PLPPR5: variants seen among roughly 807,000 people sequenced by gnomAD.
The protein encoded by PLPPR5 is phospholipid phosphatase-related protein type 5.
Under a neutral mutation model 33.9 loss-of-function variants are expected in PLPPR5, and 16 were observed. That is an observed-to-expected ratio of 0.47 (90% confidence interval 0.32 to 0.72). The LOEUF (loss-of-function observed/expected upper bound fraction) is 0.72. Among genes scored for constraint, PLPPR5 ranks in the 30% least tolerant of loss-of-function variants. PLPPR5 has a pLI of 0.03. For missense variants in PLPPR5, 301 were observed against 406.7 expected (o/e 0.74, Z 2.23); for synonymous variants, 163 against 150.3 (o/e 1.08, Z -0.62).
At chr1:98,976,061 G>T (rs983528943) in intron 1 of PLPPR5, among the ~76,000 whole-genome samples, 1 of 139,866 alleles carries the variant, frequency 7.1e-6, no homozygotes, top group African/African-American at 2.7e-5. Context: ...TGTAAGGCAC[G>T]TGCTGAAGAT....
intron 5 of PLPPR5, among the ~76,000 whole-genome samples, chr1:98,911,856 C>A (rs1649163393): frequency 6.6e-6 from 1 of 151,946 alleles, no homozygotes; most frequent in African/African-American, 2.4e-5. Flanking sequence ...AACTCCTGGG[C>A]TCAAGCAATC....
intron 3 of PLPPR5, among the ~76,000 whole-genome samples, chr1:98,934,784 C>G (rs117339954): frequency 6.6e-6 from 1 of 151,956 alleles, no homozygotes; most frequent in Non-Finnish European, 1.5e-5. Context: ...CCAACCCGGA[C>G]GTGAGGGGAG....
rs1252078405 is a variant in PLPPR5, at chr1:98,890,377, G to A, written c.*2695C>T. ...GTAACTGAGATATTTGGCTAGGATA[G>A]ATCCTGAGAAAAGAGAGGCCCAGTT... On this transcript the variant is annotated 3_prime_UTR_variant, in exon 6 of 6. Transcript: ENST00000263177. The A allele has an allele frequency of 6.6e-6, 1 of 152,510 alleles. No homozygotes were observed. Among genetic ancestry groups the A allele is most frequent in the Non-Finnish European group, 1.5e-5 (1 of 67,980 alleles). The allele number at this position is 152,510 out of a possible 1,614,324, so 9.4% of individuals were successfully genotyped here. A position where few individuals can be genotyped will look rare whatever the true frequency, so the allele number is the denominator to read the frequency against.
intron 1 of PLPPR5, among the ~76,000 whole-genome samples, chr1:99,003,008 A>C (rs1321676478): frequency 2.8e-5 from 4 of 145,450 alleles, no homozygotes; most frequent in Non-Finnish European, 6.0e-5. Context: ...GAACACAAAC[A>C]TGAAGGCTGG....
intron 1 of PLPPR5, among the ~76,000 whole-genome samples, chr1:98,999,258 G>A (rs1439382642): frequency 6.6e-6 from 1 of 152,154 alleles, no homozygotes; most frequent in Non-Finnish European, 1.5e-5. Flanking sequence ...ATACAGCTGG[G>A]CACTGCTCTG....
At chr1:98,971,530 A>C (rs1651660357) in intron 1 of PLPPR5, among the ~76,000 whole-genome samples, 1 of 151,880 alleles carries the variant, frequency 6.6e-6, no homozygotes, top group Non-Finnish European at 1.5e-5. Flanking sequence ...GGAATCCTTG[A>C]CTTTTATACT....
At chr1:98,989,575 T>C (rs1373882959) in intron 1 of PLPPR5, among the ~76,000 whole-genome samples, 1 of 152,150 alleles carries the variant, frequency 6.6e-6, no homozygotes, top group Non-Finnish European at 1.5e-5. Flanking sequence ...GAACACGGGC[T>C]TGGACTGAGC....
At chr1:99,001,005 T>C (rs1213743362) in intron 1 of PLPPR5, among the ~76,000 whole-genome samples, 1 of 152,116 alleles carries the variant, frequency 6.6e-6, no homozygotes, top group East Asian at 1.9e-4. Context: ...GAGTATCAAC[T>C]ATGGGCCAAA....
At chr1:98,938,406 G>A (rs1217185821) in intron 3 of PLPPR5, among the ~76,000 whole-genome samples, 2 of 146,450 alleles carry the variant, frequency 1.4e-5, no homozygotes, top group African/African-American at 5.0e-5. Flanking sequence ...CTGAGAAACA[G>A]GGCAAGATCG....
chr1:98,919,128 G>A (rs1649461145), intron 4 of PLPPR5, among the ~76,000 whole-genome samples: 1 of 152,206 alleles, frequency 6.6e-6, no homozygotes, highest in South Asian at 2.1e-4. Context: ...CCTCAAGGAG[G>A]AGAAGTCATT....
rs1239114153 is a variant in PLPPR5, at chr1:98,953,254, T to C, written c.437A>G (p.Asn146Ser). The change falls in exon 3 of 6, where the codon AAT becomes AGT. Residue 146 changes from asparagine to serine, a missense_variant. Coordinates refer to ENST00000263177, the MANE Select transcript of PLPPR5 (RefSeq NM_001037317.2). ...FVNAGQVVTG[N>S]LAPHFLALCK... ...CAGGGCAAGGAAATGTGGGGCCAGA[T>C]TTCCTGTGACTACTTGTCCAGCATT... The C allele has an allele frequency of 6.2e-7, 1 of 1,614,072 alleles. No individual in the cohort carries two copies. Among genetic ancestry groups the C allele is most frequent in the South Asian group, 1.1e-5 (1 of 91,082 alleles).
chr1:98,896,980 C>T (rs556254792), intron 5 of PLPPR5, among the ~76,000 whole-genome samples: 2 of 151,960 alleles, frequency 1.3e-5, no homozygotes, highest in Non-Finnish European at 1.5e-5. Context: ...AAGGGCACTC[C>T]AGGGAAGTCT....
rs926053280 is a variant in PLPPR5 at position 99,002,967 on chromosome 1, T to C, written c.237+1468A>G. ...CCCCCAAAAATCGACCTTTTTTTTT[T>C]TCTCTGCCAGCTTGTCAAATGGAGA... On this transcript the variant is annotated intron_variant, in intron 1 of 5. Transcript: ENST00000263177. Among the ~76,000 whole-genome samples the C allele has an allele frequency of 4.0e-5, 6 of 149,632 alleles. No homozygotes were observed. In the South Asian group the frequency reaches 1.3e-3, roughly 32 times the overall value.
chr1:98,907,300 C>G (rs1046272741), intron 5 of PLPPR5, among the ~76,000 whole-genome samples: 6 of 148,962 alleles, frequency 4.0e-5, no homozygotes, highest in Admixed American at 3.4e-4. Flanking sequence ...CCCCCAGGTT[C>G]AAGCGATTCT....
At chr1:98,947,043 C>A (rs778845325) in intron 3 of PLPPR5, among the ~76,000 whole-genome samples, 22 of 152,016 alleles carry the variant, frequency 1.4e-4, no homozygotes, top group Non-Finnish European at 3.1e-4. Flanking sequence ...AATAGAAAGT[C>A]CTCTTTTCTT....
intron 3 of PLPPR5, among the ~76,000 whole-genome samples, chr1:98,930,250 A>G (rs1649915784): frequency 6.6e-6 from 1 of 152,232 alleles, no homozygotes; most frequent in Non-Finnish European, 1.5e-5. Flanking sequence ...AATTAATAGT[A>G]TAACAATAAA....
rs1653011122 is a variant in PLPPR5 at position 99,004,730 on chromosome 1, C to T, written c.-59G>A. ...GCGGGCGGTCGACGCGGTGGGCCCC[C>T]TCCCCGGTCCGCCGAGGCAGCCACC... On this transcript the variant is annotated 5_prime_UTR_variant, in exon 1 of 6. Coordinates refer to ENST00000263177, the MANE Select transcript of PLPPR5 (RefSeq NM_001037317.2). 2.6e-6 allele frequency: 3 copies of T among 1,173,100 alleles called. No homozygotes were observed. The highest frequency in any genetic ancestry group is 2.2e-6 in the Non-Finnish European group (2 of 918,962). 72.7% of individuals were successfully genotyped at this position (1,173,100 alleles called of 1,614,324 possible).
In PLPPR5 at chr1:98,964,792, G is replaced by C. The variant is rs1257559008; in HGVS notation, c.238-8051C>G. Among the ~76,000 whole-genome samples, 4 of 152,004 alleles carry C rather than the reference G, an allele frequency of 2.6e-5. No homozygotes were observed. In the East Asian group the frequency reaches 7.8e-4, roughly 29 times the overall value. On this transcript the variant is annotated intron_variant, in intron 1 of 5. Coordinates refer to ENST00000263177, the MANE Select transcript of PLPPR5 (RefSeq NM_001037317.2). ...CAAGGGCTCAGAAACTAATACTGAA[G>C]GGCTTTCACTGCTTTATTTATTTAT... is the stretch of plus-strand genomic sequence containing the variant.
intron 3 of PLPPR5, among the ~76,000 whole-genome samples, chr1:98,934,965 G>A (rs1485449026): frequency 6.6e-6 from 1 of 152,076 alleles, no homozygotes; most frequent in Non-Finnish European, 1.5e-5. Context: ...AAAATAAAGT[G>A]GAAGGAAGTT....
Sources: gnomAD v4.1 joint callset for allele counts (sites outside exome capture counted in the v4.1 genomes callset) on GRCh38, gnomAD v4.1.1 for gene constraint, MANE v1.5 for transcripts, NCBI Gene and HGNC (gene_info 2026-07-23, HGNC 2026-07-21) for gene names.